Variants in PCDHGB1 observed in about 807,000 individuals in gnomAD.
The protein encoded by PCDHGB1 is protocadherin gamma subfamily B, 1.
PCDHGB1 carries 34 observed loss-of-function variants against 56.6 expected under a neutral mutation model. The observed-to-expected ratio is 0.60, with a 90% confidence interval of 0.46 to 0.80. PCDHGB1 has a LOEUF of 0.80. PCDHGB1 is among the 30% of genes least tolerant of loss of function. The pLI, the probability that PCDHGB1 is intolerant of heterozygous loss-of-function variation, is 0.00. For synonymous variants in PCDHGB1, 561 were observed against 505.9 expected (o/e 1.11, Z -1.46); for missense variants, 1,278 against 1,204.6 (o/e 1.06, Z -0.90).
At position 141,490,821 on chromosome 5, in the gene PCDHGB1, G is replaced by A. The variant is rs907584239; in HGVS notation, c.2410-3986G>A. On this transcript the variant is annotated intron_variant, in intron 1 of 3. Transcript: ENST00000523390. The surrounding 1 kb of genome is among the most constrained non-coding windows in gnomAD (Gnocchi z 5.4). ...AGCGTACCTTTGACTATGAATTGCT[G>A]CAGATGCTGCAGATTGTGGTGGGGG... 6.2e-7 allele frequency: 1 copy of A among 1,613,876 alleles called. No homozygotes were observed. Among genetic ancestry groups the A allele is most frequent in the Non-Finnish European group, 8.5e-7 (1 of 1,179,826 alleles).
At chr5:141,356,877 C>T in intron 1 of PCDHGB1, 1 of 1,614,196 alleles carries the variant, frequency 6.2e-7, no homozygotes, top group Admixed American at 1.7e-5. Context: ...ACGACAATGT[C>T]CCTGAGATCC....
intron 1 of PCDHGB1, among the ~76,000 whole-genome samples, chr5:141,397,628 A>T (rs2093548217): frequency 6.6e-6 from 1 of 152,242 alleles, no homozygotes; most frequent in Non-Finnish European, 1.5e-5. Flanking sequence ...AGTTCTAGCT[A>T]AGAGTTCAAG....
chr5:141,459,311 T>A (rs1298312167), intron 1 of PCDHGB1, among the ~76,000 whole-genome samples: 1 of 152,250 alleles, frequency 6.6e-6, no homozygotes, highest in Non-Finnish European at 1.5e-5. Flanking sequence ...TATACTATTT[T>A]GTATCCATCT....
chr5:141,413,839 G>T (rs971599906), intron 1 of PCDHGB1: 1 of 1,613,310 alleles, frequency 6.2e-7, no homozygotes, highest in African/African-American at 1.3e-5. Flanking sequence ...CTCCGACGGG[G>T]GTGACCCTCT....
chr5:141,419,738 C>T (rs745596534), intron 1 of PCDHGB1: 2 of 1,613,796 alleles, frequency 1.2e-6, no homozygotes, highest in Non-Finnish European at 1.7e-6. Flanking sequence ...AGGCGAGGTG[C>T]GCATGGTGCG....
intron 3 of PCDHGB1, among the ~76,000 whole-genome samples, chr5:141,509,004 G>A (rs2099873761): frequency 6.6e-6 from 1 of 152,072 alleles, no homozygotes; most frequent in South Asian, 2.1e-4. Context: ...AGGAGAGGAG[G>A]AAGTGGGCAG....
At chr5:141,415,114 G>T in intron 1 of PCDHGB1, 5 of 1,613,648 alleles carry the variant, frequency 3.1e-6, no homozygotes, top group Non-Finnish European at 4.2e-6. Flanking sequence ...GCAAAGCCTC[G>T]TAGTGGCCGT....
Position 141,477,202 on chromosome 5 carries a change from C to G in PCDHGB1, c.2410-17605C>G. 1 of 1,614,182 alleles carries G rather than the reference C, an allele frequency of 6.2e-7. No homozygotes were observed. The highest frequency in any genetic ancestry group is 1.1e-5 in the South Asian group (1 of 91,074). On this transcript the variant is annotated intron_variant, in intron 1 of 3. Transcript: ENST00000523390. This position sits in a 1 kb window ranked among gnomAD's most constrained non-coding sequence, Gnocchi z 4.9. ...TCACCTCCGTGTACAGCCCAGTACC[C>G]GAGGATGCCCCTCTGGGGACTGTCA...
chr5:141,351,190 A>G lies in PCDHGB1; in HGVS notation c.930A>G (p.Arg310=). 1 of 1,614,060 alleles carries G rather than the reference A, an allele frequency of 6.2e-7. No individual in the cohort carries two copies. The highest frequency in any genetic ancestry group is 8.5e-7 in the Non-Finnish European group (1 of 1,179,896). The change falls in exon 1 of 4, where the codon AGA becomes AGG. Residue 310 remains arginine, a synonymous_variant. Transcript: ENST00000523390. ...CATTGGATTTTGAAGAGACAAGTAG[A>G]TATGTGTTGAGTGTGGAAGCTAAGG... ...NGTLDFEETS[R]YVLSVEAKDG...
intron 1 of PCDHGB1, among the ~76,000 whole-genome samples, chr5:141,474,075 C>T (rs2099339724): frequency 6.6e-6 from 1 of 151,902 alleles, no homozygotes; most frequent in African/African-American, 2.4e-5. Flanking sequence ...GCCTCAGAAA[C>T]AAAAACCAAA....
chr5:141,373,895 T>TA, intron 1 of PCDHGB1: 1 of 534,638 alleles, frequency 1.9e-6, no homozygotes, highest in Non-Finnish European at 3.1e-6. Flanking sequence ...AAACTCAAGT[T>TA]ACATCCTCCA....
At chr5:141,505,567 T>A in intron 3 of PCDHGB1, 86 bp downstream of exon 3, 2 of 1,599,440 alleles carry the variant, frequency 1.3e-6, no homozygotes, top group Non-Finnish European at 1.7e-6. Context: ...ACGGACTGGA[T>A]GTCAAACCTG....
chr5:141,424,127 A>T (rs901831932), intron 1 of PCDHGB1: 1 of 486,538 alleles, frequency 2.1e-6, no homozygotes, highest in African/African-American at 2.1e-5. Flanking sequence ...GATCCTGTTG[A>T]TTTAATAGCA....
intron 1 of PCDHGB1, among the ~76,000 whole-genome samples, chr5:141,386,998 C>G (rs140459920): frequency 6.6e-6 from 1 of 152,058 alleles, no homozygotes; most frequent in African/African-American, 2.4e-5. Flanking sequence ...TGTATTATCC[C>G]CCTGATAACT....
At chr5:141,398,414 G>C (rs373274513) in intron 1 of PCDHGB1, 1 of 1,487,954 alleles carries the variant, frequency 6.7e-7, no homozygotes, top group Non-Finnish European at 9.3e-7. Flanking sequence ...GAGGAGATAT[G>C]CGGGAAGAAG....
chr5:141,479,328 G>A (rs568506786), intron 1 of PCDHGB1: 1 of 152,654 alleles, frequency 6.6e-6, no homozygotes, highest in East Asian at 1.9e-4. Flanking sequence ...CAGACTCAGT[G>A]GTGTGCACCT....
At chr5:141,415,366 G>T in intron 1 of PCDHGB1, 1 of 1,614,252 alleles carries the variant, frequency 6.2e-7, no homozygotes, top group South Asian at 1.1e-5. Flanking sequence ...CCTGCTGCAG[G>T]CTTCAGGAGG....
At chr5:141,397,223 T>C (rs144227558) in intron 1 of PCDHGB1, among the ~76,000 whole-genome samples, 1 of 152,304 alleles carries the variant, frequency 6.6e-6, no homozygotes, top group East Asian at 1.9e-4. Context: ...TATTTTGAGA[T>C]ATGAAGAAGA....
At chr5:141,372,810 G>A (rs1769086756) in intron 1 of PCDHGB1, 3 of 1,587,362 alleles carry the variant, frequency 1.9e-6, no homozygotes, top group Non-Finnish European at 2.6e-6. Flanking sequence ...TTTGCAAAAG[G>A]TGAGTTTCTT....
Sources: allele counts gnomAD v4.1 joint callset (sites outside exome capture counted in the v4.1 genomes callset), GRCh38; gene constraint gnomAD v4.1.1; non-coding constraint Gnocchi (gnomAD v3.1); transcripts MANE v1.5; gene names NCBI Gene and HGNC (gene_info 2026-07-23, HGNC 2026-07-21).